Variants in B4GALT2 observed in about 807,000 individuals in gnomAD.
B4GALT2 encodes the protein N-acetyllactosamine synthase.
A neutral mutation model predicts 33.2 loss-of-function variants in B4GALT2; 18 were observed. The ratio of observed to expected loss-of-function variants is 0.54; its 90% CI spans 0.38 to 0.80. B4GALT2 has a LOEUF of 0.80. Ranked by LOEUF, B4GALT2 falls within the 30% of genes least tolerant of loss-of-function variation. The pLI is 0.00. For missense variants in B4GALT2, 404 were observed against 526.2 expected (o/e 0.77, Z 2.27); for synonymous variants, 214 against 217.6 (o/e 0.98, Z 0.15).
At chr1:43,989,369 CTTTA>C (rs972861891) in intron 6 of B4GALT2, among the ~76,000 whole-genome samples, 4 of 147,844 alleles carry the variant, frequency 2.7e-5, no homozygotes, top group African/African-American at 9.9e-5. Context: ...GAAAAGGAGA[CTTTA>C]TTTCTCTTTT....
In B4GALT2 at chr1:43,989,320, CAAA is replaced by C. The variant is rs34161254; in HGVS notation, c.969-961_969-959del. Among the ~76,000 whole-genome samples the C allele has an allele frequency of 1.4e-3, 165 of 118,160 alleles. 2 individuals are homozygous for C. The highest frequency in any genetic ancestry group is 4.7e-3 in the African/African-American group (154 of 32,746). 77.5% of individuals were successfully genotyped at this position (118,160 alleles called of 152,430 possible). A position where few individuals can be genotyped will look rare whatever the true frequency, so the allele number is the denominator to read the frequency against. ...GAGGTGGTGCCATTGTACTCTGTCT[CAAA>C]AAAAAAAAAAAAAAAATCACTAGAT... On this transcript the variant is annotated intron_variant, in intron 6 of 6. Transcript: ENST00000372324.
In B4GALT2 at chr1:43,982,404, C is replaced by T. The variant is rs1465932165; in HGVS notation, c.549+480C>T. On this transcript the variant is annotated intron_variant, in intron 3 of 6. Transcript: ENST00000372324. This position sits in a 1 kb window ranked among gnomAD's most constrained non-coding sequence, Gnocchi z 4.3. The stretch of plus-strand genomic sequence containing the variant: ...CAGGCCCCCCCGCCCCCGCCGACCA[C>T]AGAGACCTCCTAGACTTGGACATGG... Among the ~76,000 whole-genome samples the T allele has an allele frequency of 6.6e-6, 1 of 152,182 alleles. No individual in the cohort carries two copies. Among genetic ancestry groups the T allele is most frequent in the Non-Finnish European group, 1.5e-5 (1 of 68,034 alleles).
Position 43,980,147 on chromosome 1 carries a change from C to T in B4GALT2, c.-53+636C>T. ...GTGACCAGCTGGGACCAGGGTGTCC[C>T]TGTGATTCTGTGTGCCTGTGAGACT... On this transcript the variant is annotated intron_variant, in intron 1 of 6. Transcript: ENST00000372324. 6 of 1,263,896 alleles carry T rather than the reference C, an allele frequency of 4.7e-6. No homozygotes were observed. In the South Asian group the frequency reaches 8.3e-5, roughly 18 times the overall value. 78.3% of individuals were successfully genotyped at this position (1,263,896 alleles called of 1,614,324 possible). A position where few individuals can be genotyped will look rare whatever the true frequency, so the allele number is the denominator to read the frequency against.
chr1:43,980,037 G>A (rs1333856148), intron 1 of B4GALT2: 3 of 1,517,118 alleles, frequency 2.0e-6, no homozygotes, highest in Non-Finnish European at 2.6e-6. Flanking sequence ...CAGGAGCAGT[G>A]GCCTTGTTTG....
chr1:43,981,181 G>A lies in B4GALT2; in HGVS notation c.21G>A (p.Gly7=), dbSNP rs761552271. Residue 7 remains glycine (G), a synonymous_variant, in exon 2 of 7, where the codon GGG becomes GGA. Coordinates refer to ENST00000372324, the MANE Select transcript of B4GALT2 (RefSeq NM_003780.5). This position sits in a 1 kb window ranked among gnomAD's most constrained non-coding sequence, Gnocchi z 8.1. Reference sequence around the variant, plus strand: ...GCGGGATGAGCAGACTGCTGGGGGGGACGCTGGAGCGCGTCTGCAAGGCTG... The same window carrying A: ...GCGGGATGAGCAGACTGCTGGGGGGAACGCTGGAGCGCGTCTGCAAGGCTG... MSRLLG[G]TLERVCKAVL... 12 of 1,600,168 alleles carry A rather than the reference G, an allele frequency of 7.5e-6. No individual in the cohort carries two copies. The highest frequency in any genetic ancestry group is 2.7e-5 in the African/African-American group (2 of 74,916).
chr1:43,989,548 G>A (rs762594703), intron 6 of B4GALT2, among the ~76,000 whole-genome samples: 15 of 152,080 alleles, frequency 9.9e-5, no homozygotes, highest in African/African-American at 2.4e-4. Context: ...TTACGGAGGG[G>A]GTCCTGACAT....
intron 4 of B4GALT2, 50 bp downstream of exon 4, chr1:43,985,105 G>T (rs374984928): frequency 1.3e-6 from 2 of 1,598,790 alleles, no homozygotes; most frequent in Non-Finnish European, 1.7e-6. Flanking sequence ...CCCACCAGAC[G>T]CAGGCCCACT....
intron 3 of B4GALT2, among the ~76,000 whole-genome samples, chr1:43,983,273 C>A (rs2085620807): frequency 6.6e-6 from 1 of 152,188 alleles, no homozygotes; most frequent in South Asian, 2.1e-4. Context: ...AACGTCTGAC[C>A]TGCCAGGGAG....
chr1:43,985,494 A>T lies in B4GALT2; in HGVS notation c.864-23A>T, dbSNP rs183176789. On this transcript the variant is annotated intron_variant, in intron 5 of 6. Transcript: ENST00000372324. ...CTTTGCCCTTCCTGGAGCCTGTTCC[A>T]GTCTGTCCGTCCCCATCCTCAGGAT... The T allele has an allele frequency of 4.6e-3, 7,427 of 1,606,254 alleles. 20 individuals are homozygous for T. Among genetic ancestry groups the T allele is most frequent in the Non-Finnish European group, 5.6e-3 (6,598 of 1,177,072 alleles).
rs1437100207 is a variant in B4GALT2, at chr1:43,982,511, T to G, written c.549+587T>G. ...AGAGGGCCCCAGTCCAGCCCTGGGG[T>G]TGGGAAGCAGTTGCTGAGATGGGTC... is the stretch of plus-strand genomic sequence containing the variant. On this transcript the variant is annotated intron_variant, in intron 3 of 6. Transcript: ENST00000372324. The surrounding 1 kb of genome is among the most constrained non-coding windows in gnomAD (Gnocchi z 4.3). 6.6e-6 allele frequency among the ~76,000 whole-genome samples: 1 copy of G among 151,190 alleles called. No individual in the cohort carries two copies. Among genetic ancestry groups the G allele is most frequent in the Non-Finnish European group, 1.5e-5 (1 of 67,866 alleles).
chr1:43,981,139 C>A lies in B4GALT2; in HGVS notation c.-22C>A. The A allele has an allele frequency of 6.3e-7, 1 of 1,596,040 alleles. No individual in the cohort carries two copies. Among genetic ancestry groups the A allele is most frequent in the Middle Eastern group, 1.7e-4 (1 of 5,992 alleles). ...CAGCCGGATGCCCGGGCCCACTGGG[C>A]GGGCCAGTGGCCGCCTGCGGGATGA... On this transcript the variant is annotated 5_prime_UTR_variant, in exon 2 of 7. Coordinates refer to ENST00000372324, the MANE Select transcript of B4GALT2 (RefSeq NM_003780.5). This position sits in a 1 kb window ranked among gnomAD's most constrained non-coding sequence, Gnocchi z 8.1.
rs890453474 is a variant in B4GALT2 at position 43,979,922 on chromosome 1, C to T, written c.-53+411C>T. The T allele has an allele frequency of 6.8e-6, 10 of 1,466,738 alleles. No homozygotes were observed. In the African/African-American group the frequency reaches 7.1e-5, roughly 10 times the overall value. 90.9% of individuals were successfully genotyped at this position (1,466,738 alleles called of 1,614,324 possible). ...GCCCAAACGCACCCCTCAGCCTGGC[C>T]GCCAGCCTGACCCAGAACCCCTGCG... On this transcript the variant is annotated intron_variant, in intron 1 of 6. Coordinates refer to ENST00000372324, the MANE Select transcript of B4GALT2 (RefSeq NM_003780.5). This position sits in a 1 kb window ranked among gnomAD's most constrained non-coding sequence, Gnocchi z 4.8.
chr1:43,979,722 A>C lies in B4GALT2; in HGVS notation c.-53+211A>C. The C allele has an allele frequency of 6.0e-6, 2 of 331,034 alleles. No homozygotes were observed. The highest frequency in any genetic ancestry group is 1.1e-5 in the Non-Finnish European group (2 of 177,992). 20.5% of individuals were successfully genotyped at this position (331,034 alleles called of 1,614,324 possible). On this transcript the variant is annotated intron_variant, in intron 1 of 6. Coordinates refer to ENST00000372324, the MANE Select transcript of B4GALT2 (RefSeq NM_003780.5). This position sits in a 1 kb window ranked among gnomAD's most constrained non-coding sequence, Gnocchi z 4.8. Reference sequence around the variant, plus strand: ...CGCCCGCGTCCAGCCGGCCTCCCTCATTGTCCTCGCTCGCCCCGGCCTCGT... The same window carrying C: ...CGCCCGCGTCCAGCCGGCCTCCCTCCTTGTCCTCGCTCGCCCCGGCCTCGT...
In B4GALT2 at chr1:43,990,399, A is replaced by G. The variant is rs758214348; in HGVS notation, c.1070A>G (p.Asn357Ser). The G allele has an allele frequency of 6.2e-7, 1 of 1,614,084 alleles. No individual in the cohort carries two copies. The highest frequency in any genetic ancestry group is 8.5e-7 in the Non-Finnish European group (1 of 1,180,014). Residue 357 changes from asparagine to serine, a missense_variant, in exon 7 of 7, where the codon AAT becomes AGT. By Grantham distance (46) the Asn-to-Ser change is conservative (BLOSUM62 1). Coordinates refer to ENST00000372324, the MANE Select transcript of B4GALT2 (RefSeq NM_003780.5). ...LEVSRQPLFT[N>S]ITVDIGRPPS... ...GTGTCTCGGCAACCACTCTTCACCA[A>G]TATCACAGTGGACATTGGGCGGCCT...
At chr1:43,985,226 CCCCTGGAGTCCCCTTGGGA>C in intron 4 of B4GALT2, 33 bp from the exon 5 acceptor site, 1 of 1,581,520 alleles carries the variant, frequency 6.3e-7, no homozygotes, top group Non-Finnish European at 8.6e-7. Context: ...TCTGGTCCTT[CCCCTGGAGTCCCCTTGGGA>C]CCCTTACTGA....
intron 1 of B4GALT2, chr1:43,980,085 T>G: frequency 1.4e-6 from 2 of 1,456,510 alleles, no homozygotes; most frequent in Admixed American, 2.3e-5. Context: ...CACCCGGGTG[T>G]GTCTGTGACT....
chr1:43,981,575 T>C lies in B4GALT2; in HGVS notation c.313+102T>C, dbSNP rs2085597356. 11 of 1,526,766 alleles carry C rather than the reference T, an allele frequency of 7.2e-6. No homozygotes were observed. In the South Asian group the frequency reaches 1.3e-4, roughly 18 times the overall value. The allele number at this position is 1,526,766 out of a possible 1,614,324, so 94.6% of individuals were successfully genotyped here. ...CAGGGGTGTGCCAGGGGTCCAGGTCTGTTGTAAGAGGGCTATTCTTGGGGT... is the reference window on the plus strand; with the variant it reads ...CAGGGGTGTGCCAGGGGTCCAGGTCCGTTGTAAGAGGGCTATTCTTGGGGT... On this transcript the variant is annotated intron_variant, in intron 2 of 6. Transcript: ENST00000372324. This position sits in a 1 kb window ranked among gnomAD's most constrained non-coding sequence, Gnocchi z 8.1.
rs1167119046 is a variant in B4GALT2, at chr1:43,990,778, T to C, written c.*330T>C. ...CCTGGGCTAGGTCACTCCACCTCTCTGTGCCTCAGTTTCCCCCCCTTGAGT... is the reference window on the plus strand; with the variant it reads ...CCTGGGCTAGGTCACTCCACCTCTCCGTGCCTCAGTTTCCCCCCCTTGAGT... On this transcript the variant is annotated 3_prime_UTR_variant, in exon 7 of 7. Coordinates refer to ENST00000372324, the MANE Select transcript of B4GALT2 (RefSeq NM_003780.5). 1 of 322,616 alleles carries C rather than the reference T, an allele frequency of 3.1e-6. No individual in the cohort carries two copies. 20.0% of individuals were successfully genotyped at this position (322,616 alleles called of 1,614,324 possible).
chr1:43,985,083 A>C, intron 4 of B4GALT2, 28 bp downstream of exon 4: 14 of 1,609,600 alleles, frequency 8.7e-6, no homozygotes, highest in Non-Finnish European at 1.2e-5. Context: ...AGCTGGACCC[A>C]GCCCTCCTGC....
Sources: allele counts gnomAD v4.1 joint callset (sites outside exome capture counted in the v4.1 genomes callset), GRCh38; gene constraint gnomAD v4.1.1; non-coding constraint Gnocchi (gnomAD v3.1); transcripts MANE v1.5; gene names NCBI Gene and HGNC (gene_info 2026-07-23, HGNC 2026-07-21).